Variants in JAK2 observed in about 807,000 individuals in gnomAD.
JAK2 encodes Janus kinase 2.
Under a neutral mutation model 139.3 loss-of-function variants are expected in JAK2, and 86 were observed. That is an observed-to-expected ratio of 0.62 (90% CI 0.52 to 0.74). JAK2 has a LOEUF of 0.74. Ranked by LOEUF, JAK2 falls within the 30% of genes least tolerant of loss-of-function variation. JAK2 has a pLI of 0.00. For synonymous variants in JAK2, 490 were observed against 437.7 expected, an observed-to-expected ratio of 1.12 and a Z score of -1.49; for missense variants, 1,421 against 1,360.3, an observed-to-expected ratio of 1.04 and a Z score of -0.70.
At chr9:5,037,764 A>T (rs1333919589) in intron 4 of JAK2, among the ~76,000 whole-genome samples, 2 of 152,168 alleles carry the variant, frequency 1.3e-5, no homozygotes, top group African/African-American at 2.4e-5. Flanking sequence ...TTAAATGACG[A>T]GTTACTGGGT....
chr9:5,015,545 T>C (rs907072887), intron 2 of JAK2, among the ~76,000 whole-genome samples: 2 of 151,662 alleles, frequency 1.3e-5, no homozygotes, highest in African/African-American at 4.8e-5. Flanking sequence ...TTTCTTTTTT[T>C]TTTTTTTGAG....
chr9:5,113,141 C>G (rs939512014), intron 22 of JAK2, among the ~76,000 whole-genome samples: 14 of 151,286 alleles, frequency 9.3e-5, no homozygotes, highest in African/African-American at 3.2e-4. Context: ...GTGACCTGCC[C>G]CATGGACCCT....
intron 22 of JAK2, among the ~76,000 whole-genome samples, chr9:5,103,406 C>T (rs1821687140): frequency 6.6e-6 from 1 of 151,756 alleles, no homozygotes; most frequent in Non-Finnish European, 1.5e-5. Flanking sequence ...TACAGCAGCA[C>T]CAAGATTCAT....
chr9:5,041,508 T>C (rs1397816332), intron 4 of JAK2: 4 of 566,240 alleles, frequency 7.1e-6, no homozygotes, highest in African/African-American at 1.9e-5. Context: ...CGGGGACACA[T>C]AGCGCGCCAC....
At chr9:5,118,483 C>T (rs1194314020) in intron 22 of JAK2, among the ~76,000 whole-genome samples, 1 of 152,160 alleles carries the variant, frequency 6.6e-6, no homozygotes, top group African/African-American at 2.4e-5. Context: ...TACTAGGATA[C>T]AGTTTTCCAA....
At position 5,080,513 on chromosome 9, in the gene JAK2, T is replaced by C. The variant is rs368066125; in HGVS notation, c.2284-20T>C. On this transcript the variant is annotated intron_variant, in intron 17 of 24. Transcript: ENST00000381652. ...TGGCATTACACAATTTATTCTCAGT[T>C]TGTGGTTCTTTAATTATAGAAGCTA... The C allele has an allele frequency of 2.2e-5, 35 of 1,571,752 alleles. No homozygotes were observed. The African/African-American group carries it at 4.4e-4, about 20-fold the overall frequency.
chr9:5,021,619 C>G (rs757190587), intron 2 of JAK2, among the ~76,000 whole-genome samples: 1 of 152,014 alleles, frequency 6.6e-6, no homozygotes, highest in Non-Finnish European at 1.5e-5. Context: ...CCATTTGTAA[C>G]TTTATTTATT....
upstream of JAK2, chr9:4,984,739 AGG>A (rs1819840208): frequency 6.6e-6 from 1 of 152,346 alleles, no homozygotes; most frequent in Non-Finnish European, 1.5e-5. Flanking sequence ...CCTCCAGTGC[AGG>A]CTGCGCGCTG....
chr9:5,042,985 A>AG (rs1381298428), intron 4 of JAK2, among the ~76,000 whole-genome samples: 1 of 152,082 alleles, frequency 6.6e-6, no homozygotes, highest in African/African-American at 2.4e-5. Context: ...TCAGAAGCTG[A>AG]GGGGGGTGGG....
intron 22 of JAK2, among the ~76,000 whole-genome samples, chr9:5,118,560 C>A (rs1823378244): frequency 6.6e-6 from 1 of 152,068 alleles, no homozygotes; most frequent in Admixed American, 6.5e-5. Flanking sequence ...ACAATCCCTC[C>A]CCTCCAATTG....
intron 22 of JAK2, chr9:5,094,073 A>C (rs1586780211): frequency 1.3e-5 from 2 of 152,298 alleles, no homozygotes; most frequent in African/African-American, 4.8e-5. Flanking sequence ...CTTTACAATC[A>C]AAGGTTCAAC....
rs1053520181 is a variant in JAK2, at chr9:5,075,106, A to G, written c.1864+1321A>G. On this transcript the variant is annotated intron_variant, in intron 14 of 24. Coordinates refer to ENST00000381652, the MANE Select transcript of JAK2 (RefSeq NM_004972.4). ...GCTCTTAAATTCTATGAAGGCTGAGAGAGGTGAGGAAGCTGCAGAAGAAAA... is the reference window on the plus strand; with the variant it reads ...GCTCTTAAATTCTATGAAGGCTGAGGGAGGTGAGGAAGCTGCAGAAGAAAA... 3.9e-5 allele frequency among the ~76,000 whole-genome samples: 6 copies of G among 152,040 alleles called. No individual in the cohort carries two copies. In the East Asian group the frequency reaches 1.2e-3, roughly 29 times the overall value.
chr9:5,016,133 C>G (rs1403767024), intron 2 of JAK2, among the ~76,000 whole-genome samples: 1 of 152,148 alleles, frequency 6.6e-6, no homozygotes, highest in African/African-American at 2.4e-5. Flanking sequence ...GGAAGGGGAA[C>G]CTCCCGCCAA....
In JAK2 at chr9:5,002,689, A is replaced by T. The variant is rs182965727; in HGVS notation, c.-26+16667A>T. 9.0e-3 allele frequency among the ~76,000 whole-genome samples: 1,363 copies of T among 151,934 alleles called. 16 individuals are homozygous for T. The highest frequency in any genetic ancestry group is 0.031 in the African/African-American group (1,291 of 41,512). The stretch of plus-strand genomic sequence containing the variant: ...TTCATTATTTTTACTGATTAAAAAA[A>T]TTTTTTTTGTTAATTCCTGAGAAAT... On this transcript the variant is annotated intron_variant, in intron 2 of 24. Transcript: ENST00000381652.
At chr9:5,125,901 A>C (rs1176535327) in intron 23 of JAK2, 1 of 151,844 alleles carries the variant, frequency 6.6e-6, no homozygotes, top group Non-Finnish European at 1.5e-5. Context: ...TTCCTAGCTT[A>C]TAATTCAGAT....
At chr9:5,082,401 G>A (rs1483216850) in intron 19 of JAK2, among the ~76,000 whole-genome samples, 1 of 152,250 alleles carries the variant, frequency 6.6e-6, no homozygotes, top group Non-Finnish European at 1.5e-5. Context: ...TCTCAGTGGA[G>A]TAAAGAATAA....
At chr9:5,073,653 G>A (rs189109917) in intron 13 of JAK2, 45 bp from the exon 14 acceptor site, 3 of 1,401,606 alleles carry the variant, frequency 2.1e-6, no homozygotes, top group East Asian at 2.3e-5. Flanking sequence ...ACTATTTATG[G>A]ACAACAGTCA....
chr9:5,097,809 A>G (rs1004867197), intron 22 of JAK2: 1 of 152,240 alleles, frequency 6.6e-6, no homozygotes, highest in Non-Finnish European at 1.5e-5. Context: ...TCCTATCACC[A>G]GGAGCGGTGT....
intron 4 of JAK2, among the ~76,000 whole-genome samples, chr9:5,031,659 A>G (rs1166071714): frequency 2.0e-5 from 3 of 152,248 alleles, no homozygotes; most frequent in Non-Finnish European, 4.4e-5. Context: ...AGTCCTTGGG[A>G]AAATACCATT....
Sources: gnomAD v4.1 joint callset for allele counts (sites outside exome capture counted in the v4.1 genomes callset) on GRCh38, gnomAD v4.1.1 for gene constraint, MANE v1.5 for transcripts, NCBI Gene and HGNC (gene_info 2026-07-23, HGNC 2026-07-21) for gene names.